PPIB: variants seen among roughly 807,000 people sequenced by gnomAD.
PPIB encodes peptidylprolyl isomerase B, also known as peptidyl-prolyl cis-trans isomerase B.
In PPIB, 15 loss-of-function variants were observed where a neutral mutation model predicts 20.1. The ratio of observed to expected loss-of-function variants is 0.75; its 90% confidence interval spans 0.50 to 1.15. The LOEUF (loss-of-function observed/expected upper bound fraction) is 1.15. PPIB is among the 50% of genes most tolerant of loss of function. The pLI is 0.00. For synonymous variants in PPIB, 129 were observed against 111.0 expected, an observed-to-expected ratio of 1.16 and a Z score of -1.02; for missense variants, 278 against 283.0, an observed-to-expected ratio of 0.98 and a Z score of 0.13.
chr15:64,156,217 C>A lies in PPIB; in HGVS notation c.529-72G>T. The A allele has an allele frequency of 5.7e-6, 9 of 1,590,834 alleles. No individual in the cohort carries two copies. The highest frequency in any genetic ancestry group is 1.7e-5 in the Admixed American group (1 of 57,850). On this transcript the variant is annotated intron_variant, in intron 4 of 4. Coordinates refer to ENST00000300026, the MANE Select transcript of PPIB (RefSeq NM_000942.5). This position sits in a 1 kb window ranked among gnomAD's most constrained non-coding sequence, Gnocchi z 6.4. ...CCACCGCTCAGGAGAAAGGCCCCAGCGTATGGCTCAGGAGGGCTAAGACCC... is the reference window on the plus strand; with the variant it reads ...CCACCGCTCAGGAGAAAGGCCCCAGAGTATGGCTCAGGAGGGCTAAGACCC...
rs1003209056 is a variant in PPIB at position 64,161,846 on chromosome 15, A to C, written c.249+195T>G. 2.6e-5 allele frequency among the ~76,000 whole-genome samples: 4 copies of C among 152,146 alleles called. No individual in the cohort carries two copies. Among genetic ancestry groups the C allele is most frequent in the African/African-American group, 9.7e-5 (4 of 41,434 alleles). ...GGCCTCCAAAAGTGCTGGGATTTTA[A>C]GTGTGAGCCACTGTGCCTGGTCAGG... On this transcript the variant is annotated intron_variant, in intron 2 of 4. Coordinates refer to ENST00000300026, the MANE Select transcript of PPIB (RefSeq NM_000942.5). This position sits in a 1 kb window ranked among gnomAD's most constrained non-coding sequence, Gnocchi z 4.2.
Position 64,162,935 on chromosome 15 carries a change from T to G in PPIB, c.52A>C (p.Ile18Leu). The stretch of plus-strand genomic sequence containing the variant: ...AGCAGGAAGAAGACGGACCCCGCGA[T>G]GAGGGCGGCGGCAAGGAGCACCTTC... ...NMKVLLAAAL[I>L]AGSVFFLLLP... Residue 18 changes from isoleucine (I) to leucine (L), a missense_variant, in exon 1 of 5, where the codon ATC becomes CTC. Transcript: ENST00000300026. 1.2e-6 allele frequency: 2 copies of G among 1,613,598 alleles called. No individual in the cohort carries two copies. Among genetic ancestry groups the G allele is most frequent in the Non-Finnish European group, 1.7e-6 (2 of 1,179,900 alleles).
At position 64,156,500 on chromosome 15, in the gene PPIB, T is replaced by G; in HGVS notation, c.528+225A>C. 1.5e-6 allele frequency: 1 copy of G among 648,652 alleles called. No homozygotes were observed. Among genetic ancestry groups the G allele is most frequent in the Admixed American group, 2.5e-5 (1 of 39,558 alleles). The allele number at this position is 648,652 out of a possible 1,614,324, so 40.2% of individuals were successfully genotyped here. A position where few individuals can be genotyped will look rare whatever the true frequency, so the allele number is the denominator to read the frequency against. ...ACTGAGTGAAGGAGGGGAGGGAGGC[T>G]CTGGCAGTTGTGCAGCCTTCCTGGC... On this transcript the variant is annotated intron_variant, in intron 4 of 4. Transcript: ENST00000300026. This position sits in a 1 kb window ranked among gnomAD's most constrained non-coding sequence, Gnocchi z 6.4.
chr15:64,159,728 C>G lies in PPIB; in HGVS notation c.343+376G>C, dbSNP rs1000367198. 8.9e-6 allele frequency: 3 copies of G among 336,994 alleles called. No homozygotes were observed. Among genetic ancestry groups the G allele is most frequent in the African/African-American group, 6.4e-5 (3 of 47,060 alleles). 20.9% of individuals were successfully genotyped at this position (336,994 alleles called of 1,614,324 possible). ...CTCTTGCTGGGGCTTCCAGGGTAGCCTGGACAGGCTTTGGGCATCTGACCT... is the reference window on the plus strand; with the variant it reads ...CTCTTGCTGGGGCTTCCAGGGTAGCGTGGACAGGCTTTGGGCATCTGACCT... On this transcript the variant is annotated intron_variant, in intron 3 of 4. Coordinates refer to ENST00000300026, the MANE Select transcript of PPIB (RefSeq NM_000942.5). The surrounding 1 kb of genome is among the most constrained non-coding windows in gnomAD (Gnocchi z 5.1).
rs1296316678 is a variant in PPIB at position 64,161,991 on chromosome 15, G to T, written c.249+50C>A. ...GCAGGTCAGTTTGCTGCCATCCCCA[G>T]TGCCAATTTCACTTCATGTGAGTTG... On this transcript the variant is annotated intron_variant, in intron 2 of 4. Transcript: ENST00000300026. The surrounding 1 kb of genome is among the most constrained non-coding windows in gnomAD (Gnocchi z 4.2). The T allele has an allele frequency of 2.2e-6, 3 of 1,368,952 alleles. No individual in the cohort carries two copies. Among genetic ancestry groups the T allele is most frequent in the Non-Finnish European group, 3.1e-6 (3 of 956,964 alleles). 84.8% of individuals were successfully genotyped at this position (1,368,952 alleles called of 1,614,324 possible). A position where few individuals can be genotyped will look rare whatever the true frequency, so the allele number is the denominator to read the frequency against.
chr15:64,161,123 G>A lies in PPIB; in HGVS notation c.249+918C>T, dbSNP rs1387068935. The stretch of plus-strand genomic sequence containing the variant: ...TTACAGGCGCCTACCACTACACCTG[G>A]CTAATTTTTTGTATTTTTAGTAGAG... On this transcript the variant is annotated intron_variant, in intron 2 of 4. Transcript: ENST00000300026. This position sits in a 1 kb window ranked among gnomAD's most constrained non-coding sequence, Gnocchi z 4.2. Among the ~76,000 whole-genome samples the A allele has an allele frequency of 6.6e-6, 1 of 151,214 alleles. No homozygotes were observed. The highest frequency in any genetic ancestry group is 1.5e-5 in the Non-Finnish European group (1 of 67,882).
chr15:64,162,109 T>G lies in PPIB; in HGVS notation c.181A>C (p.Ile61Leu). 1 of 1,614,168 alleles carries G rather than the reference T, an allele frequency of 6.2e-7. No individual in the cohort carries two copies. The highest frequency in any genetic ancestry group is 1.1e-5 in the South Asian group (1 of 91,090). ...RIGDEDVGRV[I>L]FGLFGKTVPK... ...ACAGTCTTTCCGAAGAGACCAAAGA[T>G]CACCCGGCCTACATCTTCATCTCCA... is the stretch of plus-strand genomic sequence containing the variant. The change falls in exon 2 of 5, where the codon ATC becomes CTC. Residue 61 changes from isoleucine to leucine, a missense_variant. Physicochemically the swap from Ile to Leu is conservative, Grantham distance 5 (BLOSUM62 2). Transcript: ENST00000300026.
In PPIB at chr15:64,161,182, G is replaced by A. The variant is rs970529602; in HGVS notation, c.249+859C>T. 6.7e-6 allele frequency among the ~76,000 whole-genome samples: 1 copy of A among 148,540 alleles called. No individual in the cohort carries two copies. The highest frequency in any genetic ancestry group is 2.0e-4 in the East Asian group (1 of 4,890). On this transcript the variant is annotated intron_variant, in intron 2 of 4. Transcript: ENST00000300026. The surrounding 1 kb of genome is among the most constrained non-coding windows in gnomAD (Gnocchi z 4.2). ...TCGCCATGTTGGCCAGGCTGGTCTC[G>A]AACTCCTGACCTCAGGTGATCTACC...
In PPIB at chr15:64,157,390, A is replaced by C. The variant is rs1268120394; in HGVS notation, c.344-481T>G. 1 of 178,954 alleles carries C rather than the reference A, an allele frequency of 5.6e-6. No homozygotes were observed. Among genetic ancestry groups the C allele is most frequent in the African/African-American group, 2.4e-5 (1 of 42,218 alleles). 11.1% of individuals were successfully genotyped at this position (178,954 alleles called of 1,614,324 possible). ...AGAAAGCAGCCAGAGATGTGTGGGG[A>C]GGGGCAGAAAAGAGGGGCTGCCCCT... is the stretch of plus-strand genomic sequence containing the variant. On this transcript the variant is annotated intron_variant, in intron 3 of 4. Coordinates refer to ENST00000300026, the MANE Select transcript of PPIB (RefSeq NM_000942.5). The surrounding 1 kb of genome is among the most constrained non-coding windows in gnomAD (Gnocchi z 4.2).
In PPIB at chr15:64,157,098, G is replaced by C; in HGVS notation, c.344-189C>G. ...GCCAAGCCATGCTGACTGAGGCCAA[G>C]TGGGGCATCAGGCCAGGCTGATGTG... On this transcript the variant is annotated intron_variant, in intron 3 of 4. Coordinates refer to ENST00000300026, the MANE Select transcript of PPIB (RefSeq NM_000942.5). The surrounding 1 kb of genome is among the most constrained non-coding windows in gnomAD (Gnocchi z 4.2). 1 of 626,182 alleles carries C rather than the reference G, an allele frequency of 1.6e-6. No individual in the cohort carries two copies. Among genetic ancestry groups the C allele is most frequent in the South Asian group, 2.0e-5 (1 of 50,850 alleles). 38.8% of individuals were successfully genotyped at this position (626,182 alleles called of 1,614,324 possible).
chr15:64,162,804 G>A (rs183473433), intron 1 of PPIB, 48 bp downstream of exon 1: 1 of 1,592,402 alleles, frequency 6.3e-7, no homozygotes. Context: ...AGCCAAGGCC[G>A]CCCGGGCCCG....
rs1426741051 is a variant in PPIB at position 64,160,317 on chromosome 15, C to A, written c.250-120G>T. The stretch of plus-strand genomic sequence containing the variant: ...CTCGCAGAAGAGACACCACTGCTGA[C>A]CACTTTCACTGTTCAGTGTGCTACT... On this transcript the variant is annotated intron_variant, in intron 2 of 4. Transcript: ENST00000300026. The surrounding 1 kb of genome is among the most constrained non-coding windows in gnomAD (Gnocchi z 4.8). 3.7e-6 allele frequency: 3 copies of A among 806,992 alleles called. No homozygotes were observed. The highest frequency in any genetic ancestry group is 2.0e-5 in the Admixed American group (1 of 50,648). The allele number at this position is 806,992 out of a possible 1,614,324, so 50.0% of individuals were successfully genotyped here.
rs1234404179 is a variant in PPIB at position 64,160,550 on chromosome 15, G to A, written c.250-353C>T. On this transcript the variant is annotated intron_variant, in intron 2 of 4. Coordinates refer to ENST00000300026, the MANE Select transcript of PPIB (RefSeq NM_000942.5). The surrounding 1 kb of genome is among the most constrained non-coding windows in gnomAD (Gnocchi z 4.8). ...GAAAGTTAATATAAACTGAAATAGG[G>A]CACTGTTGTTTCCTTAAAACCCACT... Among the ~76,000 whole-genome samples, 1 of 152,204 alleles carries A rather than the reference G, an allele frequency of 6.6e-6. No individual in the cohort carries two copies. The highest frequency in any genetic ancestry group is 1.5e-5 in the Non-Finnish European group (1 of 68,036).
rs572092561 is a variant in PPIB at position 64,162,998 on chromosome 15, G to A, written c.-12C>T. ...GAGAGGCGCAGCATCCACAGGCGGA[G>A]GCGAAAGCAGCCCGGACAGCTGAGG... On this transcript the variant is annotated 5_prime_UTR_variant, in exon 1 of 5. Coordinates refer to ENST00000300026, the MANE Select transcript of PPIB (RefSeq NM_000942.5). 8.7e-6 allele frequency: 14 copies of A among 1,612,332 alleles called. No individual in the cohort carries two copies. The highest frequency in any genetic ancestry group is 1.1e-5 in the South Asian group (1 of 90,822).
Position 64,161,596 on chromosome 15 carries a change from A to C in PPIB, c.249+445T>G, listed in dbSNP as rs1033803916. Among the ~76,000 whole-genome samples, 2 of 151,890 alleles carry C rather than the reference A, an allele frequency of 1.3e-5. No homozygotes were observed. Among genetic ancestry groups the C allele is most frequent in the African/African-American group, 4.8e-5 (2 of 41,368 alleles). ...CAAAATTAGCCAAGCGTGGTGGCGC[A>C]TGCCTGTAATCCCAGCTACTCAGGA... On this transcript the variant is annotated intron_variant, in intron 2 of 4. Transcript: ENST00000300026. This position sits in a 1 kb window ranked among gnomAD's most constrained non-coding sequence, Gnocchi z 4.2.
In PPIB at chr15:64,159,657, C is replaced by T. The variant is rs1342670933; in HGVS notation, c.343+447G>A. 1.7e-5 allele frequency: 4 copies of T among 237,932 alleles called. No individual in the cohort carries two copies. The highest frequency in any genetic ancestry group is 3.4e-5 in the Non-Finnish European group (4 of 119,278). 14.7% of individuals were successfully genotyped at this position (237,932 alleles called of 1,614,324 possible). A position where few individuals can be genotyped will look rare whatever the true frequency, so the allele number is the denominator to read the frequency against. On this transcript the variant is annotated intron_variant, in intron 3 of 4. Transcript: ENST00000300026. The surrounding 1 kb of genome is among the most constrained non-coding windows in gnomAD (Gnocchi z 5.1). Reference sequence around the variant, plus strand: ...CCTCAAGTGATCCAGCCACCTTGGCCTTCCAAAGTGCTGGGATCACAGAGT... The same window carrying T: ...CCTCAAGTGATCCAGCCACCTTGGCTTTCCAAAGTGCTGGGATCACAGAGT...
rs1446314420 is a variant in PPIB, at chr15:64,161,155, T to G, written c.249+886A>C. On this transcript the variant is annotated intron_variant, in intron 2 of 4. Coordinates refer to ENST00000300026, the MANE Select transcript of PPIB (RefSeq NM_000942.5). This position sits in a 1 kb window ranked among gnomAD's most constrained non-coding sequence, Gnocchi z 4.2. Reference sequence around the variant, plus strand: ...TTTTGTATTTTTAGTAGAGACAGGATTTCGCCATGTTGGCCAGGCTGGTCT... The same window carrying G: ...TTTTGTATTTTTAGTAGAGACAGGAGTTCGCCATGTTGGCCAGGCTGGTCT... 2.6e-5 allele frequency among the ~76,000 whole-genome samples: 4 copies of G among 151,540 alleles called. No homozygotes were observed. The East Asian group carries it at 7.8e-4, about 30-fold the overall frequency.
In PPIB at chr15:64,157,634, G is replaced by A. The variant is rs1183555476; in HGVS notation, c.344-725C>T. 6.6e-6 allele frequency among the ~76,000 whole-genome samples: 1 copy of A among 152,202 alleles called. No individual in the cohort carries two copies. Among genetic ancestry groups the A allele is most frequent in the Non-Finnish European group, 1.5e-5 (1 of 68,032 alleles). On this transcript the variant is annotated intron_variant, in intron 3 of 4. Coordinates refer to ENST00000300026, the MANE Select transcript of PPIB (RefSeq NM_000942.5). The surrounding 1 kb of genome is among the most constrained non-coding windows in gnomAD (Gnocchi z 4.2). ...CTATCACCCCTTGGAGACTGACACTGTGCATGAGGCCCCAAGAAACTCAGC... is the reference window on the plus strand; with the variant it reads ...CTATCACCCCTTGGAGACTGACACTATGCATGAGGCCCCAAGAAACTCAGC...
rs1000176299 is a variant in PPIB at position 64,160,063 on chromosome 15, C to G, written c.343+41G>C. The G allele has an allele frequency of 5.9e-6, 9 of 1,534,558 alleles. No individual in the cohort carries two copies. In the African/African-American group the frequency reaches 1.2e-4, roughly 21 times the overall value. On this transcript the variant is annotated intron_variant, in intron 3 of 4. Transcript: ENST00000300026. This position sits in a 1 kb window ranked among gnomAD's most constrained non-coding sequence, Gnocchi z 4.8. ...GAACCTGGCCCTCCCACTGTGGAGG[C>G]TACACTGACATACTCCTTGGCCCAG...
Sources: gnomAD v4.1 joint callset for allele counts (sites outside exome capture counted in the v4.1 genomes callset) on GRCh38, gnomAD v4.1.1 for gene constraint, Gnocchi (gnomAD v3.1) non-coding constraint, MANE v1.5 for transcripts, NCBI Gene and HGNC (gene_info 2026-07-23, HGNC 2026-07-21) for gene names.